GALP: variants seen among roughly 807,000 people sequenced by gnomAD.
The protein encoded by GALP is galanin-like peptide.
GALP carries 12 observed loss-of-function variants against 15.2 expected under a neutral mutation model. The observed-to-expected ratio is 0.79, with a 90% CI of 0.51 to 1.28. The LOEUF (loss-of-function observed/expected upper bound fraction) is 1.28, where lower values mean the gene tolerates loss of function less well. GALP is among the 50% of genes most tolerant of loss of function. The probability of loss-of-function intolerance (pLI) is 0.00; values close to 1 mark genes in which losing one functional copy is unlikely to be tolerated. For synonymous variants in GALP, 58 were observed against 55.1 expected, an observed-to-expected ratio of 1.05 and a Z score of -0.23; for missense variants, 161 against 145.6, an observed-to-expected ratio of 1.11 and a Z score of -0.55.
intron 2 of GALP, among the ~76,000 whole-genome samples, chr19:56,178,060 C>T (rs747543020): frequency 4.0e-5 from 6 of 151,802 alleles, no homozygotes; most frequent in Non-Finnish European, 5.9e-5. Flanking sequence ...AAGCACATGA[C>T]GTAATGTAGA....
intron 4 of GALP, among the ~76,000 whole-genome samples, 155 bp from the exon 5 acceptor site, chr19:56,182,980 G>A (rs1009729506): frequency 6.6e-6 from 1 of 152,154 alleles, no homozygotes; most frequent in Non-Finnish European, 1.5e-5. Context: ...AGTACCCAGT[G>A]GTTATTCTCT....
chr19:56,178,513 A>C (rs1285486786), intron 2 of GALP, among the ~76,000 whole-genome samples: 11 of 127,072 alleles, frequency 8.7e-5, no homozygotes, highest in Admixed American at 5.8e-4. Context: ...AAATGCTAAC[A>C]ACAACAACAA....
chr19:56,182,954 C>T (rs956823898), intron 4 of GALP, among the ~76,000 whole-genome samples, 181 bp from the exon 5 acceptor site: 5 of 152,104 alleles, frequency 3.3e-5, no homozygotes, highest in African/African-American at 1.2e-4. Context: ...TACTTCATCA[C>T]CCAGGTACTA....
rs956194473 is a variant in GALP, at chr19:56,182,215, G to T, written c.180G>T (p.Glu60Asp). Residue 60 changes from glutamate (E) to aspartate (D), a missense_variant, in exon 4 of 6, where the codon GAG becomes GAT. Physicochemically the swap from Glu to Asp is conservative, Grantham distance 45 (BLOSUM62 2). Transcript: ENST00000357330. ...PQMGDQDGKR[E>D]TALEILDLWK... ...TGGGTGACCAAGACGGAAAGAGGGA[G>T]ACAGCCCTTGAGATCCTAGACCTGT... is the stretch of plus-strand genomic sequence containing the variant. 3 of 1,614,052 alleles carry T rather than the reference G, an allele frequency of 1.9e-6. No homozygotes were observed. Among genetic ancestry groups the T allele is most frequent in the Non-Finnish European group, 2.5e-6 (3 of 1,179,894 alleles).
intron 3 of GALP, 42 bp from the exon 4 acceptor site, chr19:56,182,130 C>G (rs754374071): frequency 1.1e-5 from 16 of 1,426,328 alleles, no homozygotes; most frequent in Non-Finnish European, 1.6e-5. Context: ...TTCAGTTCTA[C>G]TTAACCGACC....
chr19:56,177,662 G>A lies in GALP; in HGVS notation c.87+467G>A, dbSNP rs1446476931. Among the ~76,000 whole-genome samples the A allele has an allele frequency of 2.6e-5, 4 of 152,124 alleles. No homozygotes were observed. In the East Asian group the frequency reaches 5.8e-4, roughly 22 times the overall value. On this transcript the variant is annotated intron_variant, in intron 2 of 5. Coordinates refer to ENST00000357330, the MANE Select transcript of GALP (RefSeq NM_033106.4). ...TCAGCCACGGCACCCAGTCTGGGAC[G>A]ACACTTTGAAAACCTTTGATCACAC...
chr19:56,178,519 AAC>A (rs1446567870), intron 2 of GALP, among the ~76,000 whole-genome samples: 2 of 128,064 alleles, frequency 1.6e-5, no homozygotes, highest in East Asian at 2.6e-4. Flanking sequence ...TAACAACAAC[AAC>A]AAAAAAAAAA....
chr19:56,179,675 G>T (rs1405862314), intron 2 of GALP, among the ~76,000 whole-genome samples: 1 of 146,990 alleles, frequency 6.8e-6, no homozygotes, highest in South Asian at 2.1e-4. Context: ...ACAGAGTCTC[G>T]CTCTGTCACC....
At chr19:56,184,248 G>A (rs927749947) in intron 5 of GALP, among the ~76,000 whole-genome samples, 1 of 152,070 alleles carries the variant, frequency 6.6e-6, no homozygotes, top group African/African-American at 2.4e-5. Context: ...GAGCCACCAC[G>A]CCAGGGACCG....
At chr19:56,177,277 G>C (rs1253173060) in intron 2 of GALP, 82 bp downstream of exon 2, 1 of 1,184,582 alleles carries the variant, frequency 8.4e-7, no homozygotes, top group Non-Finnish European at 1.2e-6. Context: ...AATGCTTCTG[G>C]CTTGTGTCAA....
intron 3 of GALP, among the ~76,000 whole-genome samples, chr19:56,180,901 TTCTTTCTTTCTTTC>T: frequency 1.1e-5 from 1 of 88,038 alleles, no homozygotes; most frequent in African/African-American, 5.0e-5. Flanking sequence ...CTTTCTTTCT[TTCTTTCTTTCTTTC>T]TTTTTTTTTT....
intron 2 of GALP, among the ~76,000 whole-genome samples, chr19:56,179,952 A>T (rs1176420019): frequency 6.6e-6 from 1 of 151,714 alleles, no homozygotes; most frequent in Non-Finnish European, 1.5e-5. Flanking sequence ...TGCCCAGCTA[A>T]TTTTTTTTAT....
At chr19:56,179,530 G>A (rs2032526002) in intron 2 of GALP, among the ~76,000 whole-genome samples, 1 of 151,636 alleles carries the variant, frequency 6.6e-6, no homozygotes, top group South Asian at 2.1e-4. Context: ...GTGTTAGCCA[G>A]GATGGTCTCG....
At chr19:56,183,661 G>A (rs550950913) in intron 5 of GALP, among the ~76,000 whole-genome samples, 87 of 152,234 alleles carry the variant, frequency 5.7e-4, no homozygotes, top group African/African-American at 1.7e-3. Context: ...GCAATGGTGC[G>A]ATCTTGGCTG....
chr19:56,178,995 C>A (rs1034025320), intron 2 of GALP, among the ~76,000 whole-genome samples: 1 of 152,036 alleles, frequency 6.6e-6, no homozygotes, highest in Non-Finnish European at 1.5e-5. Context: ...GCCAACATGG[C>A]GAAACCCCCT....
At chr19:56,184,163 C>G (rs896267829) in intron 5 of GALP, among the ~76,000 whole-genome samples, 15 of 152,154 alleles carry the variant, frequency 9.9e-5, no homozygotes, top group African/African-American at 3.6e-4. Flanking sequence ...GCCATGTTAG[C>G]CAGGCTGGTA....
chr19:56,180,720 C>A, intron 3 of GALP, 86 bp downstream of exon 3: 1 of 1,060,326 alleles, frequency 9.4e-7, no homozygotes. Context: ...TGTAAAGACC[C>A]TCACCCACAT....
intron 3 of GALP, among the ~76,000 whole-genome samples, chr19:56,181,118 G>A (rs1156451554): frequency 6.6e-6 from 1 of 151,352 alleles, no homozygotes; most frequent in Non-Finnish European, 1.5e-5. Context: ...AGTAGAGATG[G>A]GGTTTCACCA....
chr19:56,182,154 C>T lies in GALP; in HGVS notation c.137-18C>T. ...ACTTAACCGACCACCTGCTCTTGCT[C>T]TCTCCCTCCCTACCCAGTCCTCCAC... On this transcript the variant is annotated intron_variant, in intron 3 of 5. Transcript: ENST00000357330. 9 of 1,595,158 alleles carry T rather than the reference C, an allele frequency of 5.6e-6. No homozygotes were observed. Among genetic ancestry groups the T allele is most frequent in the Non-Finnish European group, 7.7e-6 (9 of 1,162,828 alleles).
Sources: gnomAD v4.1 joint callset for allele counts (sites outside exome capture counted in the v4.1 genomes callset) on GRCh38, gnomAD v4.1.1 for gene constraint, MANE v1.5 for transcripts, NCBI Gene and HGNC (gene_info 2026-07-23, HGNC 2026-07-21) for gene names.